The following KPNA1 variants were observed in gnomAD, a reference collection of about 807,000 sequenced individuals.
KPNA1 encodes the protein karyopherin subunit alpha 1.
In KPNA1, 10 loss-of-function variants were observed where a neutral mutation model predicts 70.5. The observed-to-expected ratio is 0.14, with a 90% CI of 0.09 to 0.24. The LOEUF (loss-of-function observed/expected upper bound fraction) is 0.24, where lower values mean the gene tolerates loss of function less well. KPNA1 is among the 10% of genes least tolerant of loss of function. KPNA1 has a pLI of 1.00. For missense variants in KPNA1, 397 were observed against 637.9 expected, an observed-to-expected ratio of 0.62 and a Z score of 4.07; for synonymous variants, 192 against 221.9, an observed-to-expected ratio of 0.87 and a Z score of 1.20.
intron 3 of KPNA1, among the ~76,000 whole-genome samples, chr3:122,466,025 T>C (rs574804322): frequency 6.6e-6 from 1 of 152,292 alleles, no homozygotes; most frequent in South Asian, 2.1e-4. Flanking sequence ...TTATATTCAC[T>C]TAACACTCTC....
intron 1 of KPNA1, among the ~76,000 whole-genome samples, chr3:122,510,902 T>TA (rs1308044588): frequency 4.6e-5 from 7 of 152,170 alleles, no homozygotes; most frequent in African/African-American, 1.4e-4. Flanking sequence ...ACGACGGTTA[T>TA]ATTAGATCTT....
intron 1 of KPNA1, 171 bp downstream of exon 1, chr3:122,514,586 A>C (rs894267919): frequency 2.0e-5 from 3 of 151,026 alleles, no homozygotes; most frequent in Non-Finnish European, 3.0e-5. Context: ...CCGTTAGGAC[A>C]GCCGGGCCCG....
intron 8 of KPNA1, 138 bp from the exon 9 acceptor site, chr3:122,449,875 C>T: frequency 1.7e-6 from 1 of 595,876 alleles, no homozygotes; most frequent in Non-Finnish European, 2.9e-6. Flanking sequence ...GCAGCAAGTA[C>T]CTAAGTGGCA....
In KPNA1 at chr3:122,461,246, C is replaced by T. The variant is rs1400654022; in HGVS notation, c.410G>A (p.Arg137Gln). Residue 137 changes from arginine to glutamine, a missense_variant, in exon 5 of 14, where the codon CGA becomes CAA. Coordinates refer to ENST00000344337, the MANE Select transcript of KPNA1 (RefSeq NM_002264.4). ...VVARFVEFLK[R>Q]KENCTLQFES... ...CACCTGCAGTGTACAATTCTCTTTT[C>T]GTTTGAGGAACTCCACAAACCTGGC... is the stretch of plus-strand genomic sequence containing the variant. The T allele has an allele frequency of 2.5e-6, 4 of 1,611,684 alleles. No homozygotes were observed. The highest frequency in any genetic ancestry group is 3.4e-6 in the Non-Finnish European group (4 of 1,178,194).
intron 1 of KPNA1, among the ~76,000 whole-genome samples, chr3:122,500,109 G>GTTT (rs199938248): frequency 1.3e-5 from 2 of 151,776 alleles, no homozygotes; most frequent in Non-Finnish European, 1.5e-5. Flanking sequence ...GGATACAACT[G>GTTT]TTTTTTTGTT....
intron 5 of KPNA1, chr3:122,459,686 CA>C: frequency 1.0e-6 from 1 of 985,444 alleles, no homozygotes; most frequent in Middle Eastern, 5.2e-4. Context: ...AGGCAGCTAG[CA>C]AAACAGAACC....
intron 9 of KPNA1, 84 bp downstream of exon 9, chr3:122,449,489 CA>C: frequency 9.4e-7 from 1 of 1,062,824 alleles, no homozygotes; most frequent in Non-Finnish European, 1.4e-6. Context: ...TTATCATGTA[CA>C]ATCCATTAAT....
intron 9 of KPNA1, among the ~76,000 whole-genome samples, chr3:122,443,474 G>A (rs910136961): frequency 2.6e-5 from 4 of 152,184 alleles, no homozygotes; most frequent in Non-Finnish European, 4.4e-5. Flanking sequence ...CATGGTGTTT[G>A]AGCTCTGAGA....
chr3:122,510,023 G>A (rs1011801452), intron 1 of KPNA1, among the ~76,000 whole-genome samples: 9 of 152,078 alleles, frequency 5.9e-5, no homozygotes, highest in Non-Finnish European at 1.5e-5. Context: ...GATTGGCTTT[G>A]GATTTCAAGA....
In KPNA1 at chr3:122,511,041, CT is replaced by C. The variant is rs994965530; in HGVS notation, c.-6+3715del. On this transcript the variant is annotated intron_variant, in intron 1 of 13. Transcript: ENST00000344337. ...CCCTATTTGAATCCCAACTCCACTACTTTGTGAAGTAAGGCGAGTTACCCAA... is the reference window on the plus strand; with the variant it reads ...CCCTATTTGAATCCCAACTCCACTACTTGTGAAGTAAGGCGAGTTACCCAA... Among the ~76,000 whole-genome samples, 7 of 152,306 alleles carry C rather than the reference CT, an allele frequency of 4.6e-5. No homozygotes were observed. In the South Asian group the frequency reaches 1.0e-3, roughly 23 times the overall value.
At chr3:122,507,566 A>C (rs1396877601) in intron 1 of KPNA1, among the ~76,000 whole-genome samples, 5 of 152,298 alleles carry the variant, frequency 3.3e-5, no homozygotes, top group African/African-American at 1.2e-4. Context: ...ACTTTCAAAA[A>C]GTAGAGCTGA....
At chr3:122,485,493 T>A (rs143881962) in intron 2 of KPNA1, among the ~76,000 whole-genome samples, 1 of 150,492 alleles carries the variant, frequency 6.6e-6, no homozygotes, top group Admixed American at 6.6e-5. Flanking sequence ...GTACCTCACA[T>A]CAGATATACA....
At chr3:122,454,082 TG>T (rs1228179047) in intron 5 of KPNA1, 81 bp from the exon 6 acceptor site, 7 of 949,510 alleles carry the variant, frequency 7.4e-6, no homozygotes, top group Non-Finnish European at 1.1e-5. Flanking sequence ...TTTCTGTACA[TG>T]AAAAAAAGAT....
intron 2 of KPNA1, 93 bp downstream of exon 2, chr3:122,496,344 A>ACACACC (rs2076761234): frequency 8.6e-7 from 1 of 1,160,604 alleles, no homozygotes; most frequent in African/African-American, 1.5e-5. Flanking sequence ...ACACACACAC[A>ACACACC]CACACCCCAA....
At chr3:122,434,608 C>T (rs1309725252) in intron 11 of KPNA1, among the ~76,000 whole-genome samples, 1 of 151,930 alleles carries the variant, frequency 6.6e-6, no homozygotes, top group Non-Finnish European at 1.5e-5. Context: ...TTTTAAAATC[C>T]TGAGTCCATC....
chr3:122,447,981 C>T (rs1170632900), intron 9 of KPNA1, among the ~76,000 whole-genome samples: 29 of 152,036 alleles, frequency 1.9e-4, no homozygotes, highest in Non-Finnish European at 4.4e-5. Flanking sequence ...CAAAAGAAGA[C>T]TTTTATGCAG....
At chr3:122,474,827 C>A (rs1322496921) in intron 2 of KPNA1, among the ~76,000 whole-genome samples, 1 of 152,060 alleles carries the variant, frequency 6.6e-6, no homozygotes, top group Non-Finnish European at 1.5e-5. Flanking sequence ...TAAAAACTCT[C>A]AACAAATTAG....
chr3:122,440,682 T>C (rs865806774), intron 10 of KPNA1, among the ~76,000 whole-genome samples: 30 of 152,344 alleles, frequency 2.0e-4, no homozygotes, highest in Middle Eastern at 3.4e-3. Flanking sequence ...TAGTCAAACA[T>C]ATATTCTTTT....
At chr3:122,463,004 T>C (rs904981881) in intron 4 of KPNA1, among the ~76,000 whole-genome samples, 3 of 151,928 alleles carry the variant, frequency 2.0e-5, no homozygotes, top group Admixed American at 6.6e-5. Context: ...AGACGGATCA[T>C]GATAGGATAT....
Sources: gnomAD v4.1 joint callset for allele counts (sites outside exome capture counted in the v4.1 genomes callset) on GRCh38, gnomAD v4.1.1 for gene constraint, MANE v1.5 for transcripts, NCBI Gene and HGNC (gene_info 2026-07-23, HGNC 2026-07-21) for gene names.